PIEZO2: variants seen among roughly 807,000 people sequenced by gnomAD.
PIEZO2 encodes the protein piezo type mechanosensitive ion channel component 2.
In PIEZO2, 172 loss-of-function variants were observed where a neutral mutation model predicts 337.3. That is an observed-to-expected ratio of 0.51 (90% CI 0.45 to 0.58). The LOEUF (loss-of-function observed/expected upper bound fraction) is 0.58, where lower values mean the gene tolerates loss of function less well. Ranked by LOEUF, PIEZO2 falls within the 20% of genes least tolerant of loss-of-function variation. The pLI is 0.00. For synonymous variants in PIEZO2, 1,251 were observed against 1,228.5 expected, an observed-to-expected ratio of 1.02 and a Z score of -0.38; for missense variants, 3,028 against 3,391.3, an observed-to-expected ratio of 0.89 and a Z score of 2.66.
At chr18:10,740,957 G>A (rs925840267) in intron 33 of PIEZO2, 74 bp downstream of exon 33, 7 of 1,422,412 alleles carry the variant, frequency 4.9e-6, no homozygotes, top group East Asian at 2.5e-5. Flanking sequence ...CATGGGTCAC[G>A]GGAACGCCTG....
At chr18:10,838,335 A>ATATTT (rs1425052363) in intron 7 of PIEZO2, among the ~76,000 whole-genome samples, 1 of 151,956 alleles carries the variant, frequency 6.6e-6, no homozygotes, top group African/African-American at 2.4e-5. Context: ...AAACCCATAG[A>ATATTT]TATTTTATTT....
rs375812718 is a variant in PIEZO2, at chr18:10,704,499, G to A, written c.6153C>T (p.Ala2051=). 2,033 of 1,537,244 alleles carry A rather than the reference G, an allele frequency of 1.3e-3. 3 individuals carry two copies. Among genetic ancestry groups the A allele is most frequent in the Non-Finnish European group, 1.7e-3 (1,946 of 1,146,920 alleles). The change falls in exon 42 of 56, where the codon GCC becomes GCT. Residue 2051 remains alanine, a synonymous_variant. Coordinates refer to ENST00000674853, the MANE Select transcript of PIEZO2 (RefSeq NM_001378183.1). ...TGGGAAGCAGGAGCGTGATCATGGA[G>A]GCAGAGACCATGTGGTTGAGGATGA... is the stretch of plus-strand genomic sequence containing the variant. ...FVIILNHMVS[A]SMITLLLPIL...
intron 35 of PIEZO2, among the ~76,000 whole-genome samples, chr18:10,733,130 T>G (rs1007391644): frequency 1.3e-4 from 19 of 151,980 alleles, no homozygotes; most frequent in African/African-American, 4.6e-4. Context: ...GTAGAAAGGG[T>G]GGGTGCCATT....
At chr18:10,965,017 TTCTAA>T (rs1246816166) in intron 3 of PIEZO2, among the ~76,000 whole-genome samples, 2 of 152,318 alleles carry the variant, frequency 1.3e-5, no homozygotes, top group African/African-American at 4.8e-5. Context: ...TTTAGATTAT[TTCTAA>T]TCTATTTTTT....
chr18:10,852,259 T>G (rs1568130160), intron 7 of PIEZO2, among the ~76,000 whole-genome samples: 1 of 152,222 alleles, frequency 6.6e-6, no homozygotes, highest in Non-Finnish European at 1.5e-5. Context: ...CTTTTCTTAT[T>G]AGACTGAATT....
In PIEZO2 at chr18:10,791,225, C is replaced by T; in HGVS notation, c.1858G>A (p.Gly620Ser). ...CCTTTTTCTTCATTTTCCTGACTGC[C>T]AATTTTGACTTCCGATAAAAGAGCT... ...KEALLSEVKI[G>S]SQENEEKDEE... is the part of the protein sequence containing the mutation. The change falls in exon 14 of 56, where the codon GGC (glycine) becomes AGC (serine). Residue 620 changes from glycine (G) to serine (S), a missense_variant. Physicochemically the swap from Gly to Ser is moderately conservative, Grantham distance 56. Around this residue, in one of 5 missense-constraint regions of PIEZO2, gnomAD observed 1,925 missense variants for 2,051.9 expected, o/e 0.94. Transcript: ENST00000674853. The T allele has an allele frequency of 6.5e-7, 1 of 1,535,998 alleles. No individual in the cohort carries two copies. Among genetic ancestry groups the T allele is most frequent in the South Asian group, 1.2e-5 (1 of 83,888 alleles).
Position 10,696,493 on chromosome 18 carries a change from T to C in PIEZO2, c.6874A>G (p.Ile2292Val). The change falls in exon 46 of 56, where the codon ATC (isoleucine) becomes GTC (valine). Residue 2292 changes from isoleucine to valine, a missense_variant. By Grantham distance (29) the Ile-to-Val change is conservative (BLOSUM62 3). This residue lies in a region of PIEZO2 where 1,925 missense variants were observed against 2,051.9 expected (regional missense o/e 0.94). Coordinates refer to ENST00000674853, the MANE Select transcript of PIEZO2 (RefSeq NM_001378183.1). ...GTCACGGCGCTATACTCCGGGTGGA[T>C]GAGGTTGTAAAAGAACTGTTTGATG... ...VPIKQFFYNL[I>V]HPEYSAVTDV... The C allele has an allele frequency of 6.2e-7, 1 of 1,614,008 alleles. No individual in the cohort carries two copies. Among genetic ancestry groups the C allele is most frequent in the South Asian group, 1.1e-5 (1 of 91,070 alleles).
chr18:11,091,520 T>C (rs2039091416), intron 1 of PIEZO2, among the ~76,000 whole-genome samples: 1 of 152,208 alleles, frequency 6.6e-6, no homozygotes, highest in African/African-American at 2.4e-5. Flanking sequence ...GATTTTTACA[T>C]TGAAAAAATT....
At position 11,028,565 on chromosome 18, in the gene PIEZO2, C is replaced by T. The variant is rs767227425; in HGVS notation, c.160+37562G>A. Among the ~76,000 whole-genome samples, 9 of 152,122 alleles carry T rather than the reference C, an allele frequency of 5.9e-5. No homozygotes were observed. Among genetic ancestry groups the T allele is most frequent in the Non-Finnish European group, 1.2e-4 (8 of 68,016 alleles). ...TGTGAGCTACCGCACCCAGTCTATA[C>T]GTGGCCATCTTATATGGTCATTGAC... On this transcript the variant is annotated intron_variant, in intron 2 of 55. Coordinates refer to ENST00000674853, the MANE Select transcript of PIEZO2 (RefSeq NM_001378183.1). The surrounding 1 kb of genome is among the most constrained non-coding windows in gnomAD (Gnocchi z 4.8).
At chr18:10,956,985 A>AAC (rs531655665) in intron 3 of PIEZO2, among the ~76,000 whole-genome samples, 70,181 of 147,260 alleles carry the variant, frequency 0.48, 17,074 homozygotes, top group Middle Eastern at 0.51. Flanking sequence ...AAAAAAAAAA[A>AAC]AGAAATCATC....
At chr18:10,737,375 T>C (rs10775415) in intron 33 of PIEZO2, among the ~76,000 whole-genome samples, 127,140 of 151,848 alleles carry the variant, frequency 0.84, 53,734 homozygotes, top group African/African-American at 0.96. Context: ...ACAACAACAA[T>C]GACAGTAACA....
intron 4 of PIEZO2, among the ~76,000 whole-genome samples, chr18:10,889,978 C>A (rs1334377827): frequency 1.3e-5 from 2 of 152,212 alleles, no homozygotes; most frequent in Admixed American, 6.5e-5. Context: ...TGGACCTTGG[C>A]TCCCCCAGCA....
intron 3 of PIEZO2, among the ~76,000 whole-genome samples, chr18:10,936,843 C>T (rs1479405125): frequency 6.6e-6 from 1 of 152,180 alleles, no homozygotes; most frequent in Admixed American, 6.5e-5. Context: ...GTGCTCCTTC[C>T]AGTGTGCAGC....
chr18:10,867,705 G>A (rs897206607), intron 5 of PIEZO2, among the ~76,000 whole-genome samples: 12 of 152,086 alleles, frequency 7.9e-5, no homozygotes, highest in Non-Finnish European at 1.5e-4. Context: ...AGAATTGTAA[G>A]CATAGGATTA....
rs115603055 is a variant in PIEZO2, at chr18:10,762,794, G to A, written c.3123+128C>T. The A allele has an allele frequency of 3.3e-4, 442 of 1,332,916 alleles. 4 individuals carry two copies. The African/African-American group carries it at 5.6e-3, about 17-fold the overall frequency. The allele number at this position is 1,332,916 out of a possible 1,614,324, so 82.6% of individuals were successfully genotyped here. The stretch of plus-strand genomic sequence containing the variant: ...GAGGCTTAACACAGGCCCAGAGCAC[G>A]ACCAGCCAGGGAGAGGTGACTTACA... On this transcript the variant is annotated intron_variant, in intron 22 of 55. Transcript: ENST00000674853.
chr18:10,720,092 T>G (rs11664683), intron 36 of PIEZO2, among the ~76,000 whole-genome samples: 13,603 of 151,406 alleles, frequency 0.09, 1,089 homozygotes, highest in East Asian at 0.26. Context: ...AATCTTCATA[T>G]TTTTAAAGTA....
Position 11,022,704 on chromosome 18 carries a change from G to A in PIEZO2, c.161-43044C>T, listed in dbSNP as rs74835998. On this transcript the variant is annotated intron_variant, in intron 2 of 55. Coordinates refer to ENST00000674853, the MANE Select transcript of PIEZO2 (RefSeq NM_001378183.1). ...GGATGTCAACATATGAATTTAAGGG[G>A]GACAGAATTCAGTTCGTAAAAACTA... Among the ~76,000 whole-genome samples, 15 of 152,236 alleles carry A rather than the reference G, an allele frequency of 9.9e-5. 1 individual carries two copies. In the East Asian group the frequency reaches 1.9e-3, roughly 20 times the overall value.
intron 1 of PIEZO2, among the ~76,000 whole-genome samples, chr18:11,137,490 CAG>C (rs769315706): frequency 6.6e-6 from 1 of 152,184 alleles, no homozygotes; most frequent in African/African-American, 2.4e-5. Flanking sequence ...AATTGAAAAA[CAG>C]AGAGTTTCTG....
At position 11,002,473 on chromosome 18, in the gene PIEZO2, T is replaced by G. The variant is rs147542606; in HGVS notation, c.161-22813A>C. Among the ~76,000 whole-genome samples the G allele has an allele frequency of 3.0e-4, 45 of 152,338 alleles. No homozygotes were observed. The highest frequency in any genetic ancestry group is 1.0e-3 in the African/African-American group (43 of 41,562). ...TATGGGGAACAAACAAAGCACAGTG[T>G]TGACCCATTTGCAACACATCGTAAA... On this transcript the variant is annotated intron_variant, in intron 2 of 55. Transcript: ENST00000674853. This position sits in a 1 kb window ranked among gnomAD's most constrained non-coding sequence, Gnocchi z 4.3.
Sources: allele counts gnomAD v4.1 joint callset (sites outside exome capture counted in the v4.1 genomes callset), GRCh38; gene constraint gnomAD v4.1.1; regional missense constraint gnomAD v4.1.1; non-coding constraint Gnocchi (gnomAD v3.1); transcripts MANE v1.5; gene names NCBI Gene and HGNC (gene_info 2026-07-23, HGNC 2026-07-21).